Variants in SGIP1 observed in about 807,000 individuals in gnomAD.
SGIP1 encodes the protein SH3-containing GRB2-like protein 3-interacting protein 1.
A neutral mutation model predicts 107.5 loss-of-function variants in SGIP1; 38 were observed. That is an observed-to-expected ratio of 0.35 (90% CI 0.27 to 0.46). The LOEUF (loss-of-function observed/expected upper bound fraction) is 0.46, where lower values mean the gene tolerates loss of function less well. Ranked by LOEUF, SGIP1 falls within the 20% of genes least tolerant of loss-of-function variation. SGIP1 has a pLI of 1.00. For synonymous variants in SGIP1, 365 were observed against 366.1 expected (o/e 1.00, Z 0.03); for missense variants, 929 against 1,019.5 (o/e 0.91, Z 1.21).
rs181941743 is a variant in SGIP1, at chr1:66,656,054, T to C, written c.460-4459T>C. Reference sequence around the variant, plus strand: ...TAGTATTTAAGGTATTTTAATACTTTATAATAGTTAAATTCTTTATACTCT... The same window carrying C: ...TAGTATTTAAGGTATTTTAATACTTCATAATAGTTAAATTCTTTATACTCT... On this transcript the variant is annotated intron_variant, in intron 7 of 24. Coordinates refer to ENST00000371037, the MANE Select transcript of SGIP1 (RefSeq NM_032291.4). 4.4e-3 allele frequency among the ~76,000 whole-genome samples: 662 copies of C among 149,084 alleles called. 4 individuals are homozygous for C. Among genetic ancestry groups the C allele is most frequent in the African/African-American group, 0.016 (632 of 40,526 alleles).
intron 24 of SGIP1, among the ~76,000 whole-genome samples, chr1:66,742,761 G>A (rs947402512): frequency 1.3e-5 from 2 of 149,096 alleles, no homozygotes; most frequent in African/African-American, 2.6e-5. Flanking sequence ...GAGCCACCGC[G>A]CCCGGCCTAT....
chr1:66,563,173 T>C (rs1030304389), intron 1 of SGIP1, among the ~76,000 whole-genome samples: 1 of 151,894 alleles, frequency 6.6e-6, no homozygotes, highest in Non-Finnish European at 1.5e-5. Context: ...GAACAAGAGA[T>C]GCCTAAGAGG....
intron 12 of SGIP1, among the ~76,000 whole-genome samples, chr1:66,673,787 C>T (rs986720613): frequency 6.6e-6 from 1 of 152,164 alleles, no homozygotes; most frequent in African/African-American, 2.4e-5. Context: ...CTCTTTCCCA[C>T]CTCATAATGA....
intron 1 of SGIP1, among the ~76,000 whole-genome samples, chr1:66,562,610 C>A (rs1411483228): frequency 6.6e-6 from 1 of 152,080 alleles, no homozygotes; most frequent in Non-Finnish European, 1.5e-5. Flanking sequence ...AGGACCGAAA[C>A]TTCTTGCTCA....
chr1:66,560,064 T>G (rs2058711784), intron 1 of SGIP1, among the ~76,000 whole-genome samples: 2 of 152,006 alleles, frequency 1.3e-5, no homozygotes, highest in Admixed American at 1.3e-4. Context: ...CAAATAGGCT[T>G]TATTTCAAGA....
Position 66,682,033 on chromosome 1 carries a change from T to G in SGIP1, c.979T>G (p.Leu327Val). ...ATCCCCGGAACATGTTACTCCGGAG[T>G]TGACTCCAAGGGAAAAAGTGGTGTC... ...DTSPEHVTPE[L>V]TPREKVVSPP... The change falls in exon 15 of 25, where the codon TTG becomes GTG. Residue 327 changes from leucine (L) to valine (V), a missense_variant. Physicochemically the swap from Leu to Val is conservative, Grantham distance 32. Around this residue, in one of 2 missense-constraint regions of SGIP1, gnomAD observed 588 missense variants for 588.6 expected, o/e 1.00. Transcript: ENST00000371037. 1 of 1,614,034 alleles carries G rather than the reference T, an allele frequency of 6.2e-7. No homozygotes were observed.
intron 1 of SGIP1, among the ~76,000 whole-genome samples, chr1:66,609,202 G>A (rs1405610390): frequency 6.6e-6 from 1 of 152,114 alleles, no homozygotes; most frequent in African/African-American, 2.4e-5. Flanking sequence ...AAAGAACAAA[G>A]ACAATGTAAA....
intron 1 of SGIP1, among the ~76,000 whole-genome samples, chr1:66,575,143 C>T (rs1369185029): frequency 6.6e-6 from 1 of 152,076 alleles, no homozygotes; most frequent in Non-Finnish European, 1.5e-5. Flanking sequence ...ATAATTTTGT[C>T]CTTCTGCTTA....
rs138812003 is a variant in SGIP1 at position 66,734,676 on chromosome 1, T to C, written c.2031+796T>C. 9.0e-3 allele frequency among the ~76,000 whole-genome samples: 1,367 copies of C among 152,056 alleles called. 24 individuals carry two copies. Among genetic ancestry groups the C allele is most frequent in the African/African-American group, 0.031 (1,304 of 41,444 alleles). ...TGCACCACCAAGCCCTGCTAATTTT[T>C]TGTATTTTTAATAGAGACGGGATTT... On this transcript the variant is annotated intron_variant, in intron 21 of 24. Coordinates refer to ENST00000371037, the MANE Select transcript of SGIP1 (RefSeq NM_032291.4).
rs1203320283 is a variant in SGIP1, at chr1:66,746,240, C to A, written c.*3145C>A. On this transcript the variant is annotated 3_prime_UTR_variant, in exon 25 of 25. Coordinates refer to ENST00000371037, the MANE Select transcript of SGIP1 (RefSeq NM_032291.4). ...GACAAATCACTGCCCTTTTCAGTTT[C>A]TCATCTTTAGAATGGGGAGTTGGGA... 6.6e-6 allele frequency: 1 copy of A among 152,156 alleles called. No individual in the cohort carries two copies. The highest frequency in any genetic ancestry group is 1.9e-4 in the East Asian group (1 of 5,202). The allele number at this position is 152,156 out of a possible 1,614,324, so 9.4% of individuals were successfully genotyped here.
At chr1:66,601,435 A>C (rs1470881190) in intron 1 of SGIP1, among the ~76,000 whole-genome samples, 1 of 152,134 alleles carries the variant, frequency 6.6e-6, no homozygotes, top group Non-Finnish European at 1.5e-5. Context: ...CAACCTTTAT[A>C]GTGCTTCAGA....
chr1:66,595,564 A>T (rs2064486293), intron 1 of SGIP1, among the ~76,000 whole-genome samples: 1 of 152,196 alleles, frequency 6.6e-6, no homozygotes, highest in African/African-American at 2.4e-5. Flanking sequence ...GATAAAGATA[A>T]AAGTTATATT....
chr1:66,546,296 A>G (rs1316749969), intron 1 of SGIP1, among the ~76,000 whole-genome samples: 1 of 152,168 alleles, frequency 6.6e-6, no homozygotes, highest in African/African-American at 2.4e-5. Context: ...TTAATATAGT[A>G]TCTCACATAT....
chr1:66,610,269 TAA>T (rs2067697051), intron 1 of SGIP1, among the ~76,000 whole-genome samples: 1 of 152,200 alleles, frequency 6.6e-6, no homozygotes, highest in Admixed American at 6.5e-5. Flanking sequence ...TCTCTCTAGG[TAA>T]AGATATCAAC....
chr1:66,585,689 C>T (rs148450824), intron 1 of SGIP1, among the ~76,000 whole-genome samples: 22 of 151,816 alleles, frequency 1.4e-4, no homozygotes, highest in South Asian at 6.3e-4. Flanking sequence ...AGGGTTTCGT[C>T]GTGTTGGCGA....
At position 66,735,534 on chromosome 1, in the gene SGIP1, G is replaced by A. The variant is rs969990349; in HGVS notation, c.2031+1654G>A. 3.9e-5 allele frequency among the ~76,000 whole-genome samples: 3 copies of A among 75,986 alleles called. 1 individual carries two copies. The highest frequency in any genetic ancestry group is 2.1e-4 in the East Asian group (1 of 4,762). The allele number at this position is 75,986 out of a possible 152,430, so 49.8% of individuals were successfully genotyped here. ...AAATATTCCACATAAGAGTGAGATC[G>A]TGTGGGCCGGGCGCGGTGGCTCACG... On this transcript the variant is annotated intron_variant, in intron 21 of 24. Transcript: ENST00000371037.
chr1:66,590,623 C>T (rs952044392), intron 1 of SGIP1: 9 of 151,868 alleles, frequency 5.9e-5, no homozygotes, highest in Non-Finnish European at 1.2e-4. Flanking sequence ...GAATAAACCC[C>T]GATACATCTA....
At chr1:66,634,269 T>C in intron 3 of SGIP1, 2 of 810,626 alleles carry the variant, frequency 2.5e-6, no homozygotes, top group South Asian at 3.1e-5. Context: ...CTCTGCTTTC[T>C]ATCCTTGCTG....
At chr1:66,706,569 G>A (rs1481437003) in intron 18 of SGIP1, among the ~76,000 whole-genome samples, 1 of 150,394 alleles carries the variant, frequency 6.6e-6, no homozygotes, top group East Asian at 1.9e-4. Context: ...AAAAGAAAAA[G>A]GAAAAATGTA....
Sources: gnomAD v4.1 joint callset for allele counts (sites outside exome capture counted in the v4.1 genomes callset) on GRCh38, gnomAD v4.1.1 for gene constraint, gnomAD v4.1.1 regional missense constraint, MANE v1.5 for transcripts, NCBI Gene and HGNC (gene_info 2026-07-23, HGNC 2026-07-21) for gene names.